The following SCD5 variants were observed in gnomAD, a reference collection of about 807,000 sequenced individuals.
SCD5 encodes the protein acyl-CoA-desaturase 4.
A neutral mutation model predicts 30.4 loss-of-function variants in SCD5; 20 were observed. That is an observed-to-expected ratio of 0.66 (90% CI 0.46 to 0.96). The LOEUF is 0.96. Among genes scored for constraint, SCD5 ranks in the 40% least tolerant of loss-of-function variants. SCD5 has a pLI of 0.00. For missense variants in SCD5, 381 were observed against 443.3 expected, an observed-to-expected ratio of 0.86 and a Z score of 1.26; for synonymous variants, 173 against 176.4, an observed-to-expected ratio of 0.98 and a Z score of 0.16.
In SCD5 at chr4:82,636,444, C is replaced by T. The variant is rs539188595; in HGVS notation, c.802+147G>A. On this transcript the variant is annotated intron_variant, in intron 4 of 4. Coordinates refer to ENST00000319540, the MANE Select transcript of SCD5 (RefSeq NM_001037582.3). Reference sequence around the variant, plus strand: ...CCAGACTGGCCAACAGAGTGAGACTCTATCTCGGAAAAAAAAAAAAAAAGC... The same window carrying T: ...CCAGACTGGCCAACAGAGTGAGACTTTATCTCGGAAAAAAAAAAAAAAAGC... 1,540 of 622,674 alleles carry T rather than the reference C, an allele frequency of 2.5e-3. 16 individuals are homozygous for T. The African/African-American group carries it at 0.028, about 11-fold the overall frequency. 38.6% of individuals were successfully genotyped at this position (622,674 alleles called of 1,614,324 possible).
intron 1 of SCD5, among the ~76,000 whole-genome samples, chr4:82,780,144 G>T (rs1199138525): frequency 9.2e-5 from 14 of 152,340 alleles, no homozygotes; most frequent in South Asian, 2.1e-4. Flanking sequence ...CAGTTTTCTT[G>T]CACAGTTCTA....
chr4:82,678,364 A>C (rs1728480464), intron 3 of SCD5, among the ~76,000 whole-genome samples: 1 of 152,178 alleles, frequency 6.6e-6, no homozygotes, highest in Non-Finnish European at 1.5e-5. Context: ...AATGAATCAG[A>C]CTACAACATT....
At chr4:82,690,224 T>C (rs6535381) in intron 2 of SCD5, among the ~76,000 whole-genome samples, 20,142 of 152,120 alleles carry the variant, frequency 0.13, 1,584 homozygotes, top group East Asian at 0.4. Flanking sequence ...ATGATGTCTA[T>C]AACTTACTCC....
At chr4:82,730,646 C>T (rs188876793) in intron 1 of SCD5, among the ~76,000 whole-genome samples, 1,483 of 136,708 alleles carry the variant, frequency 0.011, 34 homozygotes, top group African/African-American at 0.04. Context: ...AGTGCAGTGG[C>T]GGGATCTTGG....
chr4:82,785,667 G>T (rs879924320), intron 1 of SCD5, among the ~76,000 whole-genome samples: 6 of 152,148 alleles, frequency 3.9e-5, no homozygotes, highest in Admixed American at 1.3e-4. Context: ...AAAATGACAA[G>T]GGGTGGAGAG....
chr4:82,748,061 T>A (rs1309791475), intron 1 of SCD5, among the ~76,000 whole-genome samples: 1 of 152,236 alleles, frequency 6.6e-6, no homozygotes, highest in African/African-American at 2.4e-5. Context: ...TTGTTCATGT[T>A]GCTGTATGAA....
At chr4:82,686,931 G>A (rs1728720721) in intron 2 of SCD5, among the ~76,000 whole-genome samples, 3 of 152,272 alleles carry the variant, frequency 2.0e-5, no homozygotes, top group South Asian at 4.1e-4. Flanking sequence ...AGCACTTTGG[G>A]AGGCCAAGGC....
At chr4:82,767,484 T>C (rs1221070459) in intron 1 of SCD5, among the ~76,000 whole-genome samples, 1 of 152,138 alleles carries the variant, frequency 6.6e-6, no homozygotes, top group African/African-American at 2.4e-5. Context: ...TGTTTGCATC[T>C]CCTTTCTTGG....
intron 2 of SCD5, among the ~76,000 whole-genome samples, chr4:82,688,316 G>GGT (rs891423861): frequency 8.6e-5 from 13 of 151,914 alleles, no homozygotes; most frequent in African/African-American, 2.4e-4. Flanking sequence ...GCGTGCGTGT[G>GGT]GTGTGTGTGT....
At chr4:82,679,277 A>G (rs1432888480) in intron 3 of SCD5, among the ~76,000 whole-genome samples, 1 of 120,322 alleles carries the variant, frequency 8.3e-6, no homozygotes, top group Non-Finnish European at 1.8e-5. Flanking sequence ...GGAAAGAAAG[A>G]AAGAAGGAAG....
intron 1 of SCD5, among the ~76,000 whole-genome samples, chr4:82,753,093 C>G (rs559004533): frequency 6.6e-6 from 1 of 152,194 alleles, no homozygotes; most frequent in Non-Finnish European, 1.5e-5. Flanking sequence ...GAATCCCCAG[C>G]CCCACTGAAA....
chr4:82,729,853 G>A (rs1173101895), intron 1 of SCD5, among the ~76,000 whole-genome samples: 1 of 152,110 alleles, frequency 6.6e-6, no homozygotes. Flanking sequence ...GCCCGGAGAG[G>A]GCACCAGAGG....
chr4:82,657,463 T>A (rs1190095310), intron 3 of SCD5, among the ~76,000 whole-genome samples: 2 of 152,240 alleles, frequency 1.3e-5, no homozygotes, highest in African/African-American at 2.4e-5. Flanking sequence ...TCTGTGTATC[T>A]GTTTTGGTAC....
chr4:82,636,382 C>G (rs951138905), intron 4 of SCD5, among the ~76,000 whole-genome samples: 15 of 150,126 alleles, frequency 1.0e-4, no homozygotes, highest in Non-Finnish European at 1.9e-4. Flanking sequence ...ACCCAGGAAG[C>G]AGAGGCTGCA....
chr4:82,781,415 CA>C lies in SCD5; in HGVS notation c.232+16890del, dbSNP rs113300695. 5.1e-4 allele frequency among the ~76,000 whole-genome samples: 66 copies of C among 129,530 alleles called. 1 individual carries two copies. The highest frequency in any genetic ancestry group is 4.5e-4 in the East Asian group (2 of 4,494). The allele number at this position is 129,530 out of a possible 152,430, so 85.0% of individuals were successfully genotyped here. ...TGGCTGACAGAGTGAGACTCTGTCT[CA>C]AAAAAAAAAAGAAAGAAAGAAAAAA... is the stretch of plus-strand genomic sequence containing the variant. On this transcript the variant is annotated intron_variant, in intron 1 of 4. Transcript: ENST00000319540.
rs913788249 is a variant in SCD5 at position 82,705,159 on chromosome 4, C to T, written c.363+124G>A. 17 of 1,201,412 alleles carry T rather than the reference C, an allele frequency of 1.4e-5. No homozygotes were observed. In the Admixed American group the frequency reaches 2.5e-4, roughly 18 times the overall value. The allele number at this position is 1,201,412 out of a possible 1,614,324, so 74.4% of individuals were successfully genotyped here. On this transcript the variant is annotated intron_variant, in intron 2 of 4. Coordinates refer to ENST00000319540, the MANE Select transcript of SCD5 (RefSeq NM_001037582.3). The stretch of plus-strand genomic sequence containing the variant: ...AGATAAAAACTTGGGACAGACTGGG[C>T]GTGCTTGGGGCCTGAACACTGAGTC...
intron 3 of SCD5, among the ~76,000 whole-genome samples, chr4:82,665,850 A>G (rs1336808532): frequency 6.6e-6 from 1 of 152,160 alleles, no homozygotes; most frequent in Non-Finnish European, 1.5e-5. Context: ...ATACTTTTTT[A>G]AAAAGCTAGC....
intron 3 of SCD5, among the ~76,000 whole-genome samples, chr4:82,665,083 T>A (rs796146000): frequency 0.053 from 7,537 of 140,966 alleles, 379 homozygotes; most frequent in South Asian, 0.12. Flanking sequence ...TATATTTTTT[T>A]TTTAATTTAA....
At chr4:82,636,913 C>T in intron 3 of SCD5, 90 bp from the exon 4 acceptor site, 1 of 1,125,510 alleles carries the variant, frequency 8.9e-7, no homozygotes, top group African/African-American at 1.6e-5. Flanking sequence ...AGAAAAAAGC[C>T]CAGGGAGAGA....
Sources: gnomAD v4.1 joint callset for allele counts (sites outside exome capture counted in the v4.1 genomes callset) on GRCh38, gnomAD v4.1.1 for gene constraint, MANE v1.5 for transcripts, NCBI Gene and HGNC (gene_info 2026-07-23, HGNC 2026-07-21) for gene names.